Variants in UNC13C observed in about 807,000 individuals in gnomAD.
The protein encoded by UNC13C is unc-13 homolog C.
UNC13C carries 174 observed loss-of-function variants against 245.4 expected under a neutral mutation model. The ratio of observed to expected loss-of-function variants is 0.71; its 90% CI spans 0.63 to 0.80. The LOEUF (loss-of-function observed/expected upper bound fraction) is 0.80, where lower values mean the gene tolerates loss of function less well. Ranked by LOEUF, UNC13C falls within the 30% of genes least tolerant of loss-of-function variation. The pLI is 0.00. For missense variants in UNC13C, 2,829 were observed against 2,602.9 expected, an observed-to-expected ratio of 1.09 and a Z score of -1.89; for synonymous variants, 992 against 895.1, an observed-to-expected ratio of 1.11 and a Z score of -1.93.
the UNC13C span, among the ~76,000 whole-genome samples, chr15:53,906,790 C>G: frequency 6.6e-6 from 1 of 152,192 alleles, no homozygotes; most frequent in South Asian, 2.1e-4. Context: ...CACAATTCCA[C>G]TTGGTTGGGG....
chr15:54,269,980 A>G (rs1447911740), intron 10 of UNC13C, among the ~76,000 whole-genome samples: 2 of 152,206 alleles, frequency 1.3e-5, no homozygotes, highest in Admixed American at 6.5e-5. Flanking sequence ...ACTTTAAGTG[A>G]AGCTACACTT....
chr15:54,199,838 C>G lies in UNC13C; in HGVS notation c.3072-35192C>G, dbSNP rs145817954. ...CTATGATGAATAGAATAGTATCACACATCTCAATAGTAACATTGAATGTAA... is the reference window on the plus strand; with the variant it reads ...CTATGATGAATAGAATAGTATCACAGATCTCAATAGTAACATTGAATGTAA... On this transcript the variant is annotated intron_variant, in intron 4 of 32. Coordinates refer to ENST00000260323, the MANE Select transcript of UNC13C (RefSeq NM_001080534.3). 4.3e-3 allele frequency among the ~76,000 whole-genome samples: 653 copies of G among 152,198 alleles called. 7 individuals carry two copies. Among genetic ancestry groups the G allele is most frequent in the African/African-American group, 0.015 (635 of 41,566 alleles).
At chr15:54,048,746 A>G (rs1418814451) in intron 2 of UNC13C, 3 of 278,258 alleles carry the variant, frequency 1.1e-5, no homozygotes, top group African/African-American at 6.8e-5. Context: ...GGAGAATAAC[A>G]GGATATGGTG....
intron 4 of UNC13C, among the ~76,000 whole-genome samples, chr15:54,212,673 T>C (rs990273849): frequency 6.6e-6 from 1 of 152,104 alleles, no homozygotes; most frequent in Non-Finnish European, 1.5e-5. Flanking sequence ...CTATGTCTGT[T>C]TGTTTGTTTT....
chr15:54,257,393 A>G (rs2036307219), intron 8 of UNC13C, among the ~76,000 whole-genome samples: 1 of 152,254 alleles, frequency 6.6e-6, no homozygotes, highest in Non-Finnish European at 1.5e-5. Context: ...CTGTTATGCG[A>G]GCACATTCCT....
At chr15:54,086,059 G>T (rs1168637489) in intron 2 of UNC13C, among the ~76,000 whole-genome samples, 1 of 152,144 alleles carries the variant, frequency 6.6e-6, no homozygotes, top group African/African-American at 2.4e-5. Context: ...AACATAGCAT[G>T]TCTTTGTGTT....
At chr15:53,889,376 T>A in the UNC13C span, among the ~76,000 whole-genome samples, 1 of 152,210 alleles carries the variant, frequency 6.6e-6, no homozygotes, top group Non-Finnish European at 1.5e-5. Flanking sequence ...TGTATAGGAA[T>A]GCTTGTGATT....
intron 8 of UNC13C, among the ~76,000 whole-genome samples, chr15:54,261,627 C>G (rs2036427779): frequency 6.6e-6 from 1 of 152,202 alleles, no homozygotes; most frequent in South Asian, 2.1e-4. Context: ...ACTGCAAGCT[C>G]CGCCTCCCAG....
Position 54,041,772 on chromosome 15 carries a change from G to A in UNC13C, c.2983+25886G>A, listed in dbSNP as rs975370665. Among the ~76,000 whole-genome samples, 11 of 152,278 alleles carry A rather than the reference G, an allele frequency of 7.2e-5. No individual in the cohort carries two copies. In the East Asian group the frequency reaches 2.1e-3, roughly 29 times the overall value. On this transcript the variant is annotated intron_variant, in intron 2 of 32. Transcript: ENST00000260323. ...AAATTACTTAGTATAGATAAAGATG[G>A]ATATCTGGTACATAATAAATGCTAT...
At chr15:54,526,696 A>G (rs1396331935) in intron 25 of UNC13C, among the ~76,000 whole-genome samples, 1 of 146,680 alleles carries the variant, frequency 6.8e-6, no homozygotes, top group Non-Finnish European at 1.5e-5. Flanking sequence ...GTGAGCCGAG[A>G]TCGCACCACT....
chr15:54,105,419 GA>G (rs1429339565), intron 2 of UNC13C, among the ~76,000 whole-genome samples: 1 of 152,124 alleles, frequency 6.6e-6, no homozygotes, highest in African/African-American at 2.4e-5. Context: ...AGAATAAATG[GA>G]ATAACTGCCC....
chr15:54,110,042 C>T (rs976213574), intron 2 of UNC13C, among the ~76,000 whole-genome samples: 2 of 152,074 alleles, frequency 1.3e-5, no homozygotes, highest in Non-Finnish European at 2.9e-5. Flanking sequence ...CTTTGGAAGG[C>T]TGAAGCAGAC....
the UNC13C span, among the ~76,000 whole-genome samples, chr15:53,908,357 C>T: frequency 6.8e-6 from 1 of 146,412 alleles, no homozygotes; most frequent in African/African-American, 2.4e-5. Flanking sequence ...TTCACATACA[C>T]TCTTAGACTT....
intron 2 of UNC13C, among the ~76,000 whole-genome samples, chr15:54,104,809 G>A (rs1384238738): frequency 6.6e-6 from 1 of 151,762 alleles, no homozygotes; most frequent in South Asian, 2.1e-4. Context: ...TCATTGTTTT[G>A]TAATCCTTAT....
intron 2 of UNC13C, among the ~76,000 whole-genome samples, chr15:54,066,506 C>CA (rs796352305): frequency 4.3e-4 from 66 of 152,280 alleles, no homozygotes; most frequent in African/African-American, 1.5e-3. Context: ...TGTGAAAACA[C>CA]AGAGAGGTGC....
intron 18 of UNC13C, among the ~76,000 whole-genome samples, chr15:54,395,011 T>C (rs961917088): frequency 1.4e-5 from 2 of 143,854 alleles, no homozygotes; most frequent in Non-Finnish European, 3.2e-5. Flanking sequence ...TTTTTTTCAA[T>C]TTTGTTTTTA....
intron 13 of UNC13C, chr15:54,320,953 T>C (rs1265770770): frequency 5.1e-6 from 2 of 390,980 alleles, no homozygotes; most frequent in African/African-American, 2.1e-5. Context: ...CCAAATCCAT[T>C]ATATTCATCC....
intron 10 of UNC13C, among the ~76,000 whole-genome samples, chr15:54,276,961 T>C (rs2036849086): frequency 6.6e-6 from 1 of 152,178 alleles, no homozygotes; most frequent in East Asian, 1.9e-4. Context: ...ATAATTTCTA[T>C]AATTGATTTT....
intron 30 of UNC13C, among the ~76,000 whole-genome samples, chr15:54,583,964 C>G (rs1403326159): frequency 6.6e-6 from 1 of 152,212 alleles, no homozygotes; most frequent in Non-Finnish European, 1.5e-5. Context: ...CCTAACTGTG[C>G]TCTCTGGCTC....
Sources: allele counts gnomAD v4.1 joint callset (sites outside exome capture counted in the v4.1 genomes callset), GRCh38; gene constraint gnomAD v4.1.1; transcripts MANE v1.5; gene names NCBI Gene and HGNC (gene_info 2026-07-23, HGNC 2026-07-21).